PCDHGA2: variants seen among roughly 807,000 people sequenced by gnomAD.
PCDHGA2 encodes the protein protocadherin gamma subfamily A, 2, also known as protocadherin gamma-A2.
Under a neutral mutation model 59.2 loss-of-function variants are expected in PCDHGA2, and 40 were observed. The observed-to-expected ratio is 0.68, with a 90% CI of 0.52 to 0.88. PCDHGA2 has a LOEUF of 0.88. PCDHGA2 is among the 40% of genes least tolerant of loss of function. The pLI, the probability that PCDHGA2 is intolerant of heterozygous loss-of-function variation, is 0.00. For missense variants in PCDHGA2, 1,226 were observed against 1,204.0 expected, an observed-to-expected ratio of 1.02 and a Z score of -0.27; for synonymous variants, 560 against 526.0, an observed-to-expected ratio of 1.06 and a Z score of -0.89.
At chr5:141,351,860 G>A (rs753655374) in intron 1 of PCDHGA2, 1 of 1,613,258 alleles carries the variant, frequency 6.2e-7, no homozygotes, top group Non-Finnish European at 8.5e-7. Flanking sequence ...CAGGGACCAG[G>A]GCTCCCCCGC....
chr5:141,415,907 T>C, intron 1 of PCDHGA2: 1 of 779,592 alleles, frequency 1.3e-6, no homozygotes. Context: ...CAGACTTCCA[T>C]ACAGAAGTGC....
At chr5:141,501,290 T>TACACACACAC (rs55762287) in intron 2 of PCDHGA2, among the ~76,000 whole-genome samples, 12 of 136,162 alleles carry the variant, frequency 8.8e-5, no homozygotes, top group Admixed American at 4.7e-4. Context: ...TATTCCCTTA[T>TACACACACAC]ACACACACAC....
chr5:141,440,960 A>C (rs1467379261), intron 1 of PCDHGA2: 2 of 152,248 alleles, frequency 1.3e-5, no homozygotes, highest in Non-Finnish European at 2.9e-5. Flanking sequence ...CAAGGCAGAG[A>C]TCACATATGG....
chr5:141,346,026 G>A lies in PCDHGA2; in HGVS notation c.2424+4631G>A, dbSNP rs974585151. On this transcript the variant is annotated intron_variant, in intron 1 of 3. Transcript: ENST00000394576. ...CACTGTCACGCTCACCGTGGCCGTG[G>A]CCGACAGGATCCCCGACATCCTGGC... The A allele has an allele frequency of 1.2e-6, 2 of 1,613,464 alleles. No homozygotes were observed. The highest frequency in any genetic ancestry group is 2.2e-5 in the East Asian group (1 of 44,864).
intron 1 of PCDHGA2, chr5:141,374,129 C>A: frequency 6.2e-7 from 1 of 1,603,566 alleles, no homozygotes; most frequent in South Asian, 1.1e-5. Flanking sequence ...GCAGGTCCTG[C>A]TCCTCACGCT....
intron 1 of PCDHGA2, chr5:141,367,915 AAG>A (rs963477833): frequency 6.6e-6 from 1 of 152,232 alleles, no homozygotes; most frequent in Non-Finnish European, 1.5e-5. Flanking sequence ...TTGAAAAAAA[AAG>A]AACTCAACTT....
At chr5:141,389,080 C>T (rs762866893) in intron 1 of PCDHGA2, 8 of 1,613,866 alleles carry the variant, frequency 5.0e-6, no homozygotes, top group African/African-American at 2.7e-5. Flanking sequence ...TCAAGAAACA[C>T]GTATAAATTA....
chr5:141,354,288 AAAC>A, intron 1 of PCDHGA2, among the ~76,000 whole-genome samples: 1 of 152,310 alleles, frequency 6.6e-6, no homozygotes, highest in East Asian at 1.9e-4. Context: ...GTCATTCATG[AAAC>A]ATTGAAAGGT....
At chr5:141,423,042 G>A in intron 1 of PCDHGA2, 1 of 1,614,220 alleles carries the variant, frequency 6.2e-7, no homozygotes, top group Non-Finnish European at 8.5e-7. Context: ...ACGCCTGGCT[G>A]TCCTATCGCC....
At chr5:141,423,837 A>G (rs73792199) in intron 1 of PCDHGA2, 16,285 of 1,277,458 alleles carry the variant, frequency 0.013, 610 homozygotes, top group African/African-American at 0.098. Context: ...TGAGATTACG[A>G]TAATCTTTCA....
intron 1 of PCDHGA2, chr5:141,418,890 G>A (rs1449142412): frequency 1.9e-6 from 3 of 1,613,934 alleles, no homozygotes; most frequent in Non-Finnish European, 2.5e-6. Flanking sequence ...AACGACAACA[G>A]CCCAGAAATA....
rs747671382 is a variant in PCDHGA2 at position 141,444,152 on chromosome 5, A to ATTTTTTTTTT, written c.2425-50628_2425-50619dup. 1.8e-4 allele frequency among the ~76,000 whole-genome samples: 6 copies of ATTTTTTTTTT among 33,898 alleles called. 2 individuals are homozygous for ATTTTTTTTTT. Among genetic ancestry groups the ATTTTTTTTTT allele is most frequent in the Non-Finnish European group, 3.1e-4 (6 of 19,312 alleles). The allele number at this position is 33,898 out of a possible 152,430, so 22.2% of individuals were successfully genotyped here. A position where few individuals can be genotyped will look rare whatever the true frequency, so the allele number is the denominator to read the frequency against. On this transcript the variant is annotated intron_variant, in intron 1 of 3. Coordinates refer to ENST00000394576, the MANE Select transcript of PCDHGA2 (RefSeq NM_018915.4). ...GATATGTGTCACTTGTGTGTACTGG[A>ATTTTTTTTTT]TTTTTTTTTTTTTTTTTTTTTTTTT...
chr5:141,339,248 G>C lies in PCDHGA2; in HGVS notation c.277G>C (p.Glu93Gln). 6 of 1,614,276 alleles carry C rather than the reference G, an allele frequency of 3.7e-6. No individual in the cohort carries two copies. The highest frequency in any genetic ancestry group is 5.1e-6 in the Non-Finnish European group (6 of 1,180,052). The part of the protein sequence containing the change: ...SLVTANRIDR[E>Q]ELCAQSAPCL... ...GGTCACTGCGAACAGGATAGACCGG[G>C]AGGAGCTCTGCGCTCAGAGCGCACC... The change falls in exon 1 of 4, where the codon GAG becomes CAG. Residue 93 changes from glutamate to glutamine, a missense_variant. Coordinates refer to ENST00000394576, the MANE Select transcript of PCDHGA2 (RefSeq NM_018915.4).
At chr5:141,419,528 G>A (rs966922299) in intron 1 of PCDHGA2, 10 of 1,612,056 alleles carry the variant, frequency 6.2e-6, no homozygotes, top group Admixed American at 1.7e-5. Flanking sequence ...CGACCGTAAC[G>A]ACAACGCACC....
chr5:141,354,765 A>G (rs1166767748), intron 1 of PCDHGA2, among the ~76,000 whole-genome samples: 1 of 152,230 alleles, frequency 6.6e-6, no homozygotes, highest in East Asian at 1.9e-4. Context: ...ACATCTTAGG[A>G]AAAAAATCGT....
intron 1 of PCDHGA2, among the ~76,000 whole-genome samples, chr5:141,437,623 T>G (rs887878119): frequency 3.3e-5 from 5 of 152,172 alleles, no homozygotes; most frequent in Non-Finnish European, 7.4e-5. Context: ...TATCCCCATA[T>G]AAGATGTCAG....
rs1280923293 is a variant in PCDHGA2 at position 141,478,837 on chromosome 5, G to A, written c.2425-15970G>A. ...AACTAACCAATCTTGCTAAGGGATG[G>A]TTAAGCTAAAACACAAGATCTCAGC... is the stretch of plus-strand genomic sequence containing the variant. On this transcript the variant is annotated intron_variant, in intron 1 of 3. Transcript: ENST00000394576. 3.5e-6 allele frequency: 5 copies of A among 1,428,112 alleles called. No homozygotes were observed. The African/African-American group carries it at 5.8e-5, about 16-fold the overall frequency. The allele number at this position is 1,428,112 out of a possible 1,614,324, so 88.5% of individuals were successfully genotyped here.
At position 141,361,602 on chromosome 5, in the gene PCDHGA2, C is replaced by A. The variant is rs571629532; in HGVS notation, c.2424+20207C>A. The stretch of plus-strand genomic sequence containing the variant: ...TGGGCCCCAGTGGCCAAGTTTCCTA[C>A]TCCATCGTAGCGAGCGACCTGAAGC... On this transcript the variant is annotated intron_variant, in intron 1 of 3. Coordinates refer to ENST00000394576, the MANE Select transcript of PCDHGA2 (RefSeq NM_018915.4). 4.1e-5 allele frequency: 66 copies of A among 1,614,054 alleles called. 1 individual carries two copies. The Admixed American group carries it at 8.5e-4, about 21-fold the overall frequency.
chr5:141,494,674 C>A lies in PCDHGA2; in HGVS notation c.2425-133C>A, dbSNP rs532644387. ...ATTTTGTCTTTGGAGATGAGTCCAC[C>A]CCTGCCCCCTCTTAGTCCGTTTTCT... is the stretch of plus-strand genomic sequence containing the variant. On this transcript the variant is annotated intron_variant, in intron 1 of 3. Transcript: ENST00000394576. 3.4e-5 allele frequency: 53 copies of A among 1,545,802 alleles called. No homozygotes were observed. In the African/African-American group the frequency reaches 6.5e-4, roughly 19 times the overall value.
Sources: gnomAD v4.1 joint callset for allele counts (sites outside exome capture counted in the v4.1 genomes callset) on GRCh38, gnomAD v4.1.1 for gene constraint, MANE v1.5 for transcripts, NCBI Gene and HGNC (gene_info 2026-07-23, HGNC 2026-07-21) for gene names.